The following CNOT1 variants were observed in gnomAD, a reference collection of about 807,000 sequenced individuals.
CNOT1 encodes CCR4-associated factor 1.
In CNOT1, 15 loss-of-function variants were observed where a neutral mutation model predicts 273.8. The ratio of observed to expected loss-of-function variants is 0.05; its 90% CI spans 0.04 to 0.08. The LOEUF (loss-of-function observed/expected upper bound fraction) is 0.08. Among genes scored for constraint, CNOT1 ranks in the 10% least tolerant of loss-of-function variants. The pLI is 1.00. For synonymous variants in CNOT1, 1,022 were observed against 1,005.5 expected, an observed-to-expected ratio of 1.02 and a Z score of -0.31; for missense variants, 1,644 against 2,912.2, an observed-to-expected ratio of 0.56 and a Z score of 10.02.
At chr16:58,615,676 G>T (rs553346764) in intron 1 of CNOT1, among the ~76,000 whole-genome samples, 1 of 126,124 alleles carries the variant, frequency 7.9e-6, no homozygotes, top group East Asian at 1.9e-4. Context: ...CAGACAAAAT[G>T]ATCAAATGAA....
intron 31 of CNOT1, chr16:58,543,016 C>G (rs2040141152): frequency 2.5e-6 from 2 of 798,664 alleles, no homozygotes; most frequent in Middle Eastern, 6.3e-4. Context: ...TCAGTTGAAC[C>G]TCAGAGGTGG....
intron 34 of CNOT1, among the ~76,000 whole-genome samples, chr16:58,540,903 C>CT (rs764143680): frequency 7.9e-5 from 12 of 152,060 alleles, no homozygotes; most frequent in Admixed American, 3.9e-4. Flanking sequence ...TTAGAAAATT[C>CT]TTTTATTTAA....
intron 2 of CNOT1, among the ~76,000 whole-genome samples, chr16:58,595,420 CAAAAAAAAA>C (rs57122392): frequency 9.7e-6 from 1 of 102,938 alleles, no homozygotes; most frequent in African/African-American, 3.9e-5. Context: ...TTTTCCATCT[CAAAAAAAAA>C]AAAAAAAAAA....
At chr16:58,571,708 T>G (rs554453027) in intron 16 of CNOT1, among the ~76,000 whole-genome samples, 10 of 152,214 alleles carry the variant, frequency 6.6e-5, no homozygotes, top group Non-Finnish European at 5.9e-5. Flanking sequence ...CCGGGCATAG[T>G]GGCTCATGCC....
intron 2 of CNOT1, among the ~76,000 whole-genome samples, chr16:58,589,908 C>G (rs2041997986): frequency 6.6e-6 from 1 of 152,214 alleles, no homozygotes; most frequent in Non-Finnish European, 1.5e-5. Flanking sequence ...TAGGTTTCTA[C>G]TCTAAAGTCA....
At position 58,520,388 on chromosome 16, in the gene CNOT1, CAA is replaced by C. The variant is rs1240282599; in HGVS notation, c.*568_*569del. ...GCTTTGGAATACGTTTGGGTAGAGA[CAA>C]AATGGAAACTCATGGGATTCCAATA... On this transcript the variant is annotated 3_prime_UTR_variant, in exon 49 of 49. Transcript: ENST00000317147. 1.3e-5 allele frequency: 2 copies of C among 154,062 alleles called. No individual in the cohort carries two copies. Among genetic ancestry groups the C allele is most frequent in the Non-Finnish European group, 2.9e-5 (2 of 69,248 alleles). 9.5% of individuals were successfully genotyped at this position (154,062 alleles called of 1,614,324 possible).
chr16:58,539,466 T>TACACACACAC (rs55998166), intron 35 of CNOT1, among the ~76,000 whole-genome samples: 38 of 145,676 alleles, frequency 2.6e-4, no homozygotes, highest in South Asian at 4.7e-4. Context: ...CCCTGTCTCT[T>TACACACACAC]ACACACACAC....
intron 36 of CNOT1, 145 bp downstream of exon 36, chr16:58,538,627 C>G: frequency 4.0e-6 from 5 of 1,254,970 alleles, no homozygotes; most frequent in Non-Finnish European, 5.4e-6. Context: ...AACTACTTAA[C>G]AATTCTCACC....
chr16:58,593,181 G>C (rs2042122091), intron 2 of CNOT1, among the ~76,000 whole-genome samples: 1 of 152,182 alleles, frequency 6.6e-6, no homozygotes, highest in African/African-American at 2.4e-5. Context: ...CCAACACTTT[G>C]AGAGGCTGAG....
chr16:58,595,935 G>C (rs1157285825), intron 2 of CNOT1, among the ~76,000 whole-genome samples: 1 of 152,186 alleles, frequency 6.6e-6, no homozygotes, highest in East Asian at 1.9e-4. Flanking sequence ...GTGTAAAAAG[G>C]ATAAAGGTTT....
chr16:58,605,389 G>A (rs1445802417), intron 1 of CNOT1, among the ~76,000 whole-genome samples: 1 of 151,868 alleles, frequency 6.6e-6, no homozygotes, highest in Non-Finnish European at 1.5e-5. Flanking sequence ...TGTAATCCCG[G>A]CTACTCAGGA....
intron 1 of CNOT1, among the ~76,000 whole-genome samples, chr16:58,605,067 C>T (rs1305747943): frequency 6.6e-6 from 1 of 151,924 alleles, no homozygotes; most frequent in Non-Finnish European, 1.5e-5. Context: ...ACCTGGGAGG[C>T]GGAGATTGCA....
At chr16:58,523,346 T>G in intron 47 of CNOT1, 24 bp downstream of exon 47, 4 of 1,561,622 alleles carry the variant, frequency 2.6e-6, no homozygotes, top group Non-Finnish European at 3.5e-6. Context: ...TTTGAAGCAT[T>G]TAAAAAATAA....
intron 40 of CNOT1, among the ~76,000 whole-genome samples, chr16:58,533,432 C>T (rs1219092517): frequency 6.6e-6 from 1 of 151,978 alleles, no homozygotes; most frequent in South Asian, 2.1e-4. Flanking sequence ...GTTGGGAGAG[C>T]GAGACCATCC....
chr16:58,588,975 AAAG>A, intron 2 of CNOT1, 69 bp from the exon 3 acceptor site: 1 of 1,493,136 alleles, frequency 6.7e-7, no homozygotes, highest in Non-Finnish European at 8.9e-7. Context: ...AGGTTTCAAA[AAAG>A]AAAATCAACC....
At chr16:58,601,503 T>C (rs2042462585) in intron 1 of CNOT1, among the ~76,000 whole-genome samples, 1 of 152,168 alleles carries the variant, frequency 6.6e-6, no homozygotes, top group Admixed American at 6.6e-5. Flanking sequence ...AGTCCGCTTG[T>C]AATTTCATTA....
At chr16:58,609,594 C>G (rs1255093139) in intron 1 of CNOT1, among the ~76,000 whole-genome samples, 3 of 151,618 alleles carry the variant, frequency 2.0e-5, no homozygotes, top group Admixed American at 6.6e-5. Flanking sequence ...TCCCAAGTAC[C>G]TGGGACTACA....
chr16:58,621,910 C>CA lies in CNOT1; in HGVS notation c.-175+7817dup, dbSNP rs58087048. The stretch of plus-strand genomic sequence containing the variant: ...TGGGCGACGGAAAGAGACTCCGTCT[C>CA]AAAAAAAAAAAAAAAAAAAAAAAAG... On this transcript the variant is annotated intron_variant, in intron 1 of 48. Transcript: ENST00000317147. Among the ~76,000 whole-genome samples the CA allele has an allele frequency of 2.6e-3, 226 of 85,294 alleles. 3 individuals carry two copies. Among genetic ancestry groups the CA allele is most frequent in the East Asian group, 9.9e-3 (27 of 2,740 alleles). 56.0% of individuals were successfully genotyped at this position (85,294 alleles called of 152,430 possible).
At position 58,528,490 on chromosome 16, in the gene CNOT1, G is replaced by T. The variant is rs1234332939; in HGVS notation, c.6438C>A (p.Phe2146Leu). ...GGAACCTTACCTTTAGATTAGGAGT[G>T]AATGGGTCGGGGAGCCTCATGTTTC... The part of the protein sequence containing the change: ...FPRNMRLPDP[F>L]TPNLKVDMLS... The change falls in exon 44 of 49, where the codon TTC becomes TTA. Residue 2146 changes from phenylalanine to leucine, a missense_variant. Transcript: ENST00000317147. The T allele has an allele frequency of 6.2e-7, 1 of 1,612,588 alleles. No homozygotes were observed. The highest frequency in any genetic ancestry group is 8.5e-7 in the Non-Finnish European group (1 of 1,179,080).
Sources: allele counts gnomAD v4.1 joint callset (sites outside exome capture counted in the v4.1 genomes callset), GRCh38; gene constraint gnomAD v4.1.1; transcripts MANE v1.5; gene names NCBI Gene and HGNC (gene_info 2026-07-23, HGNC 2026-07-21).